The following SYCP2L variants were observed in gnomAD, a reference collection of about 807,000 sequenced individuals.
SYCP2L encodes synaptonemal complex protein 2 like.
In SYCP2L, 98 loss-of-function variants were observed where a neutral mutation model predicts 125.8. The observed-to-expected ratio is 0.78, with a 90% CI of 0.66 to 0.92. SYCP2L has a LOEUF of 0.92. Ranked by LOEUF, SYCP2L falls within the 40% of genes least tolerant of loss-of-function variation. The pLI is 0.00. For missense variants in SYCP2L, 842 were observed against 936.4 expected (o/e 0.90, Z 1.32); for synonymous variants, 317 against 325.4 (o/e 0.97, Z 0.28).
In SYCP2L at chr6:10,942,489, T is replaced by G; in HGVS notation, c.1844T>G (p.Leu615Arg). 6.3e-7 allele frequency: 1 copy of G among 1,599,740 alleles called. No individual in the cohort carries two copies. Among genetic ancestry groups the G allele is most frequent in the Non-Finnish European group, 8.5e-7 (1 of 1,175,866 alleles). Reference sequence around the variant, plus strand: ...CAAGATCCTCACTCACTGAGTGAGCTCTCTTCCTTGAAGCACTCAGAAGAT... The same window carrying G: ...CAAGATCCTCACTCACTGAGTGAGCGCTCTTCCTTGAAGCACTCAGAAGAT... Reference protein sequence around the residue: ...ELQDPHSLSELSSLKHSEDEE... With the variant: ...ELQDPHSLSERSSLKHSEDEE... Residue 615 changes from leucine (L) to arginine (R), a missense_variant, in exon 22 of 30, where the codon CTC becomes CGC. Physicochemically the swap from Leu to Arg is moderately radical, Grantham distance 102. Transcript: ENST00000283141.
chr6:10,912,937 T>TA lies in SYCP2L; in HGVS notation c.1072+11dup. ...AATTTCAGCATAACAGGTAATATGA[T>TA]ACATTTAAACAACCCACGTCCAGTT... On this transcript the variant is annotated intron_variant, in intron 14 of 29. Transcript: ENST00000283141. The surrounding 1 kb of genome is among the most constrained non-coding windows in gnomAD (Gnocchi z 4.1). 6.2e-7 allele frequency: 1 copy of TA among 1,612,678 alleles called. No individual in the cohort carries two copies. Among genetic ancestry groups the TA allele is most frequent in the African/African-American group, 1.3e-5 (1 of 75,040 alleles).
intron 25 of SYCP2L, among the ~76,000 whole-genome samples, chr6:10,956,693 G>T (rs1381090981): frequency 6.6e-6 from 1 of 152,194 alleles, no homozygotes; most frequent in South Asian, 2.1e-4. Flanking sequence ...AAACACCTGG[G>T]CTCAAGTGAT....
chr6:10,911,893 G>GTT (rs1561684857), intron 12 of SYCP2L, among the ~76,000 whole-genome samples: 2 of 91,124 alleles, frequency 2.2e-5, no homozygotes, highest in Admixed American at 1.7e-4. Context: ...GGGAATAAAA[G>GTT]CTTTTTTTTT....
chr6:10,967,348 T>C (rs1781699199), intron 29 of SYCP2L, among the ~76,000 whole-genome samples: 1 of 151,892 alleles, frequency 6.6e-6, no homozygotes, highest in Non-Finnish European at 1.5e-5. Context: ...ACAAGGACAA[T>C]CCTGAGAAGA....
intron 12 of SYCP2L, among the ~76,000 whole-genome samples, chr6:10,911,411 T>C (rs1487634189): frequency 6.6e-6 from 1 of 152,140 alleles, no homozygotes; most frequent in African/African-American, 2.4e-5. Flanking sequence ...CAGGCTAAAA[T>C]ATTTAGAGGT....
At chr6:10,926,304 T>C (rs2113348605) in intron 15 of SYCP2L, 35 bp from the exon 16 acceptor site, 1 of 1,476,294 alleles carries the variant, frequency 6.8e-7, no homozygotes, top group Non-Finnish European at 9.4e-7. Context: ...TAAAGATGAC[T>C]ACATTTCAAA....
chr6:10,925,600 A>T (rs2113347380), intron 15 of SYCP2L, among the ~76,000 whole-genome samples: 1 of 152,344 alleles, frequency 6.6e-6, no homozygotes, highest in East Asian at 1.9e-4. Flanking sequence ...CAGAGACCAG[A>T]TAAGGAAGTC....
intron 21 of SYCP2L, among the ~76,000 whole-genome samples, chr6:10,936,479 T>C (rs999464947): frequency 6.6e-6 from 1 of 151,572 alleles, no homozygotes; most frequent in East Asian, 2.0e-4. Flanking sequence ...AGTGAGACTC[T>C]ATCTCACAAA....
intron 8 of SYCP2L, 90 bp downstream of exon 8, chr6:10,903,053 T>G: frequency 2.9e-6 from 3 of 1,030,874 alleles, no homozygotes; most frequent in South Asian, 1.4e-5. Context: ...TTAGACCTGA[T>G]TATGTCCTTT....
At chr6:10,908,430 A>G (rs1780547685) in intron 10 of SYCP2L, among the ~76,000 whole-genome samples, 1 of 152,098 alleles carries the variant, frequency 6.6e-6, no homozygotes. Context: ...TACAATTTGG[A>G]GAAACAATAC....
At chr6:10,905,184 A>G (rs1335511214) in intron 8 of SYCP2L, among the ~76,000 whole-genome samples, 1 of 148,628 alleles carries the variant, frequency 6.7e-6, no homozygotes, top group Non-Finnish European at 1.5e-5. Context: ...ATCGACTCAC[A>G]CTTGTTAGCA....
chr6:10,948,526 A>G (rs1351952626), intron 23 of SYCP2L, among the ~76,000 whole-genome samples: 1 of 152,110 alleles, frequency 6.6e-6, no homozygotes, highest in African/African-American at 2.4e-5. Flanking sequence ...ATCAATAGGT[A>G]TTATGTTGTT....
rs538650963 is a variant in SYCP2L, at chr6:10,912,826, G to A, written c.1012-41G>A. 6.2e-7 allele frequency: 1 copy of A among 1,608,826 alleles called. No individual in the cohort carries two copies. The highest frequency in any genetic ancestry group is 1.3e-5 in the African/African-American group (1 of 74,888). Reference sequence around the variant, plus strand: ...TTAGAGATCTTTTTTATGTAAGTATGTGTTTTGCACTCATGAATTTCACTT... The same window carrying A: ...TTAGAGATCTTTTTTATGTAAGTATATGTTTTGCACTCATGAATTTCACTT... On this transcript the variant is annotated intron_variant, in intron 13 of 29. Coordinates refer to ENST00000283141, the MANE Select transcript of SYCP2L (RefSeq NM_001040274.3). This position sits in a 1 kb window ranked among gnomAD's most constrained non-coding sequence, Gnocchi z 4.1.
chr6:10,966,197 C>T (rs1781673898), intron 29 of SYCP2L, among the ~76,000 whole-genome samples: 2 of 152,098 alleles, frequency 1.3e-5, no homozygotes, highest in African/African-American at 4.8e-5. Context: ...CAGAATTTAG[C>T]AGCATATTGT....
intron 12 of SYCP2L, among the ~76,000 whole-genome samples, chr6:10,911,897 T>TCTTTTTC (rs1554105407): frequency 9.6e-6 from 1 of 103,782 alleles, no homozygotes; most frequent in Non-Finnish European, 2.0e-5. Flanking sequence ...ATAAAAGCTT[T>TCTTTTTC]TTTTTTTTTT....
At chr6:10,919,787 A>G (rs1780759479) in intron 14 of SYCP2L, among the ~76,000 whole-genome samples, 1 of 152,006 alleles carries the variant, frequency 6.6e-6, no homozygotes, top group Non-Finnish European at 1.5e-5. Flanking sequence ...TCCCAGGTCA[A>G]TGGAGTTATG....
intron 29 of SYCP2L, among the ~76,000 whole-genome samples, chr6:10,967,690 A>G (rs994647152): frequency 6.6e-6 from 1 of 152,176 alleles, no homozygotes; most frequent in African/African-American, 2.4e-5. Context: ...ACCAATAAAC[A>G]ATAAGACTCT....
intron 2 of SYCP2L, among the ~76,000 whole-genome samples, chr6:10,892,315 G>A (rs1780187355): frequency 6.6e-6 from 1 of 152,154 alleles, no homozygotes; most frequent in African/African-American, 2.4e-5. Context: ...GTTTTGTTTT[G>A]TTTTAACGGG....
At chr6:10,942,603 C>G (rs1561695839) in intron 22 of SYCP2L, 74 bp downstream of exon 22, 9 of 1,583,354 alleles carry the variant, frequency 5.7e-6, no homozygotes, top group Non-Finnish European at 6.9e-6. Context: ...ATTGGCTATT[C>G]CTTCTGACGA....
Sources: allele counts gnomAD v4.1 joint callset (sites outside exome capture counted in the v4.1 genomes callset), GRCh38; gene constraint gnomAD v4.1.1; non-coding constraint Gnocchi (gnomAD v3.1); transcripts MANE v1.5; gene names NCBI Gene and HGNC (gene_info 2026-07-23, HGNC 2026-07-21).